Variants in LAMC3 observed in about 807,000 individuals in gnomAD.
LAMC3 encodes the protein laminin subunit gamma-3.
A neutral mutation model predicts 173.8 loss-of-function variants in LAMC3; 128 were observed. The observed-to-expected ratio is 0.74, with a 90% CI of 0.64 to 0.85. The LOEUF is 0.85. LAMC3 is among the 40% of genes least tolerant of loss of function. LAMC3 has a pLI of 0.00. For synonymous variants in LAMC3, 897 were observed against 909.1 expected (o/e 0.99, Z 0.24); for missense variants, 2,022 against 2,156.0 (o/e 0.94, Z 1.23).
chr9:131,068,962 A>C lies in LAMC3; in HGVS notation c.2802A>C (p.Gly934=). The C allele has an allele frequency of 6.2e-7, 1 of 1,614,044 alleles. No homozygotes were observed. Among genetic ancestry groups the C allele is most frequent in the Non-Finnish European group, 8.5e-7 (1 of 1,179,976 alleles). Residue 934 remains glycine, a synonymous_variant, in exon 16 of 28, where the codon GGA becomes GGC. Coordinates refer to ENST00000361069, the MANE Select transcript of LAMC3 (RefSeq NM_006059.4). ...SQEDQCHPKT[G]QCTCRPGVTG... ...AGGACCAGTGCCATCCCAAGACTGGACAGTGCACCTGCCGCCCAGGTGTCA... is the reference window on the plus strand; with the variant it reads ...AGGACCAGTGCCATCCCAAGACTGGCCAGTGCACCTGCCGCCCAGGTGTCA...
chr9:131,058,176 T>A (rs1299401911), intron 12 of LAMC3, among the ~76,000 whole-genome samples: 1 of 152,174 alleles, frequency 6.6e-6, no homozygotes, highest in Non-Finnish European at 1.5e-5. Context: ...TGGAGTGCAG[T>A]GGTGCAGTCT....
At chr9:131,030,664 T>C (rs1234644744) in intron 2 of LAMC3, among the ~76,000 whole-genome samples, 2 of 152,200 alleles carry the variant, frequency 1.3e-5, no homozygotes, top group African/African-American at 4.8e-5. Context: ...GCCCTAACCA[T>C]ACAATATGTG....
chr9:131,038,835 C>T (rs1431407018), intron 4 of LAMC3, 29 bp from the exon 5 acceptor site: 1 of 1,609,002 alleles, frequency 6.2e-7, no homozygotes, highest in South Asian at 1.1e-5. Context: ...ACAGGGGACT[C>T]ACACACCTTT....
rs1292566230 is a variant in LAMC3, at chr9:131,036,240, A to G, written c.884A>G (p.Asn295Ser). The G allele has an allele frequency of 1.9e-6, 3 of 1,613,096 alleles. No individual in the cohort carries two copies. Among genetic ancestry groups the G allele is most frequent in the Non-Finnish European group, 2.5e-6 (3 of 1,179,810 alleles). ...CAGTTGGCCTGCCGGTGCCAGCACA[A>G]CACCACCGGCACAGACTGTGAGCGC... ...AGQLACRCQH[N>S]TTGTDCERCL... The change falls in exon 4 of 28, where the codon AAC becomes AGC. Residue 295 changes from asparagine (N) to serine (S), a missense_variant. By Grantham distance (46) the Asn-to-Ser change is conservative. Transcript: ENST00000361069.
intron 2 of LAMC3, among the ~76,000 whole-genome samples, chr9:131,027,965 C>A (rs952056871): frequency 5.3e-5 from 8 of 152,252 alleles, no homozygotes; most frequent in Non-Finnish European, 8.8e-5. Flanking sequence ...CATCTCCACA[C>A]AAGTGTGTTG....
At chr9:131,022,752 A>T (rs561483575) in intron 1 of LAMC3, among the ~76,000 whole-genome samples, 2 of 151,258 alleles carry the variant, frequency 1.3e-5, no homozygotes, top group South Asian at 2.1e-4. Context: ...TTATTTATTT[A>T]TTTTTTGTAG....
In LAMC3 at chr9:131,009,307, C is replaced by A. The variant is rs1279551309; in HGVS notation, c.93C>A (p.Arg31=). 2 of 1,446,334 alleles carry A rather than the reference C, an allele frequency of 1.4e-6. No homozygotes were observed. The highest frequency in any genetic ancestry group is 1.8e-6 in the Non-Finnish European group (2 of 1,106,136). 89.6% of individuals were successfully genotyped at this position (1,446,334 alleles called of 1,614,324 possible). Residue 31 remains arginine, a synonymous_variant, in exon 1 of 28, where the codon CGC becomes CGA. Coordinates refer to ENST00000361069, the MANE Select transcript of LAMC3 (RefSeq NM_006059.4). This position sits in a 1 kb window ranked among gnomAD's most constrained non-coding sequence, Gnocchi z 4.3. ...GCGCGTGCTATGACGGCGCAGGGCG[C>A]CCGCAGCGCTGCCTGCCGGTGTTCG... ...GMGACYDGAG[R]PQRCLPVFEN...
chr9:131,009,339 C>A lies in LAMC3; in HGVS notation c.125C>A (p.Ala42Glu). The A allele has an allele frequency of 6.7e-7, 1 of 1,492,112 alleles. No individual in the cohort carries two copies. Among genetic ancestry groups the A allele is most frequent in the Non-Finnish European group, 8.9e-7 (1 of 1,127,966 alleles). The allele number at this position is 1,492,112 out of a possible 1,614,324, so 92.4% of individuals were successfully genotyped here. A position where few individuals can be genotyped will look rare whatever the true frequency, so the allele number is the denominator to read the frequency against. ...PQRCLPVFEN[A>E]AFGRLAQASH... Reference sequence around the variant, plus strand: ...CGCTGCCTGCCGGTGTTCGAGAACGCGGCGTTTGGGCGGCTCGCCCAGGCC... The same window carrying A: ...CGCTGCCTGCCGGTGTTCGAGAACGAGGCGTTTGGGCGGCTCGCCCAGGCC... The change falls in exon 1 of 28, where the codon GCG becomes GAG. Residue 42 changes from alanine (A) to glutamate (E), a missense_variant. Physicochemically the swap from Ala to Glu is moderately radical, Grantham distance 107. Coordinates refer to ENST00000361069, the MANE Select transcript of LAMC3 (RefSeq NM_006059.4). This position sits in a 1 kb window ranked among gnomAD's most constrained non-coding sequence, Gnocchi z 4.3.
In LAMC3 at chr9:131,079,148, G is replaced by C; in HGVS notation, c.3778-1G>C. The C allele has an allele frequency of 6.2e-7, 1 of 1,613,100 alleles. No individual in the cohort carries two copies. The highest frequency in any genetic ancestry group is 8.5e-7 in the Non-Finnish European group (1 of 1,179,582). ...TGCCTGAGCGCATTGTCTCCCTGCA[G>C]CCTCAGAAGTCCCGGGCTGAAGACC... On this transcript the variant is annotated splice_acceptor_variant, in intron 22 of 27. Coordinates refer to ENST00000361069, the MANE Select transcript of LAMC3 (RefSeq NM_006059.4). LOFTEE classifies it high-confidence loss of function.
intron 13 of LAMC3, among the ~76,000 whole-genome samples, chr9:131,062,690 A>G (rs984645386): frequency 2.8e-4 from 42 of 151,914 alleles, no homozygotes; most frequent in African/African-American, 9.9e-4. Context: ...CCAACGTGGC[A>G]AAACCTCGTC....
At chr9:131,086,064 C>T (rs961980131) in intron 25 of LAMC3, among the ~76,000 whole-genome samples, 6 of 152,074 alleles carry the variant, frequency 3.9e-5, no homozygotes, top group African/African-American at 1.4e-4. Flanking sequence ...ATTTTACCTG[C>T]CTTTTTGTTT....
chr9:131,080,175 T>C (rs1275800520), intron 23 of LAMC3, among the ~76,000 whole-genome samples: 2 of 151,508 alleles, frequency 1.3e-5, no homozygotes, highest in African/African-American at 2.4e-5. Context: ...GGGGTTTCAC[T>C]GTGTTGGCCA....
chr9:131,041,846 CTTGG>C, intron 7 of LAMC3, 111 bp downstream of exon 7: 1 of 866,062 alleles, frequency 1.2e-6, no homozygotes, highest in Non-Finnish European at 1.9e-6. Flanking sequence ...TCTTCATGGA[CTTGG>C]GTGACCTTGT....
intron 1 of LAMC3, among the ~76,000 whole-genome samples, chr9:131,020,960 T>A (rs1833613478): frequency 6.6e-6 from 1 of 152,204 alleles, no homozygotes; most frequent in Non-Finnish European, 1.5e-5. Context: ...TTTGATGTTT[T>A]TTTTTCTCCC....
intron 3 of LAMC3, among the ~76,000 whole-genome samples, chr9:131,032,567 TTG>T (rs1491337298): frequency 7.3e-6 from 1 of 137,878 alleles, no homozygotes; most frequent in Non-Finnish European, 1.5e-5. Context: ...GCTCTCTCTC[TTG>T]CTCTCTCTCG....
In LAMC3 at chr9:131,038,873, G is replaced by A. The variant is rs1183288164; in HGVS notation, c.986G>A (p.Cys329Tyr). The change falls in exon 5 of 28, where the codon TGC becomes TAC. Residue 329 changes from cysteine (C) to tyrosine (Y), a missense_variant. By Grantham distance (194) the Cys-to-Tyr change is radical. Transcript: ENST00000361069. Reference protein sequence around the residue: ...EAAHECLPCNCSGRSEECTFD... With the variant: ...EAAHECLPCNYSGRSEECTFD... ...CCACTCCTGCCCATAGCCTGCAACT[G>A]CAGTGGCCGCTCCGAGGAATGCACG... 2 of 1,613,026 alleles carry A rather than the reference G, an allele frequency of 1.2e-6. No individual in the cohort carries two copies. Among genetic ancestry groups the A allele is most frequent in the South Asian group, 1.1e-5 (1 of 91,076 alleles).
intron 2 of LAMC3, among the ~76,000 whole-genome samples, chr9:131,031,692 A>G (rs1833827136): frequency 6.6e-6 from 1 of 152,198 alleles, no homozygotes; most frequent in African/African-American, 2.4e-5. Flanking sequence ...CCCAAACCTC[A>G]GCTGCTTCCT....
intron 13 of LAMC3, among the ~76,000 whole-genome samples, chr9:131,061,893 A>T (rs1456387191): frequency 6.9e-6 from 1 of 144,198 alleles, no homozygotes; most frequent in African/African-American, 2.6e-5. Flanking sequence ...TCTAAAAAAA[A>T]CACAAAAATT....
chr9:131,064,083 T>C (rs1472847432), intron 13 of LAMC3, among the ~76,000 whole-genome samples: 3 of 152,058 alleles, frequency 2.0e-5, no homozygotes, highest in Non-Finnish European at 4.4e-5. Flanking sequence ...AATGTTTGTA[T>C]TTTTAGTAGA....
Sources: allele counts gnomAD v4.1 joint callset (sites outside exome capture counted in the v4.1 genomes callset), GRCh38; gene constraint gnomAD v4.1.1; non-coding constraint Gnocchi (gnomAD v3.1); transcripts MANE v1.5; gene names NCBI Gene and HGNC (gene_info 2026-07-23, HGNC 2026-07-21).